Variants in NHSL2 observed in about 807,000 individuals in gnomAD.
NHSL2 encodes NHS-like protein 2.
Under a neutral mutation model 53.4 loss-of-function variants are expected in NHSL2, and 27 were observed. That is an observed-to-expected ratio of 0.51 (90% CI 0.37 to 0.70). The LOEUF (loss-of-function observed/expected upper bound fraction) is 0.70, where lower values mean the gene tolerates loss of function less well. NHSL2 is among the 30% of genes least tolerant of loss of function. NHSL2 has a pLI of 0.00. For missense variants in NHSL2, 892 were observed against 980.1 expected, an observed-to-expected ratio of 0.91 and a Z score of 1.20; for synonymous variants, 408 against 404.1, an observed-to-expected ratio of 1.01 and a Z score of -0.12.
intron 1 of NHSL2, among the ~76,000 whole-genome samples, chrX:72,041,061 A>G: frequency 8.9e-6 from 1 of 112,493 alleles, no homozygotes; most frequent in East Asian, 2.8e-4. Flanking sequence ...TGCATGAGTT[A>G]AGGGAGGCTT....
At chrX:72,082,187 G>T (rs1250588257) in intron 1 of NHSL2, among the ~76,000 whole-genome samples, 2 of 112,032 alleles carry the variant, frequency 1.8e-5, no homozygotes. Context: ...GGGCCTGGAG[G>T]TATGGGCTTG....
Position 72,139,355 on chromosome X carries a change from C to G in NHSL2, c.1807C>G (p.Leu603Val). The G allele has an allele frequency of 8.3e-7, 1 of 1,210,210 alleles. No homozygotes were observed. The highest frequency in any genetic ancestry group is 1.8e-5 in the South Asian group (1 of 56,802). Residue 603 changes from leucine (L) to valine (V), a missense_variant, in exon 6 of 8, where the codon CTC becomes GTC. By Grantham distance (32) the Leu-to-Val change is conservative. Transcript: ENST00000633930. ...GGACCAGAGGCCCAAGAGCCTTTGC[C>G]TCTCCTTGGAACATCAAGGACATCA... Reference protein sequence around the residue: ...PKDQRPKSLCLSLEHQGHHSS... With the variant: ...PKDQRPKSLCVSLEHQGHHSS...
chrX:71,988,643 AC>A (rs1311429903), intron 1 of NHSL2, among the ~76,000 whole-genome samples: 3 of 110,897 alleles, frequency 2.7e-5, no homozygotes, highest in Non-Finnish European at 5.7e-5. Flanking sequence ...CACCCCACTT[AC>A]CCAAAGTCGG....
intron 1 of NHSL2, among the ~76,000 whole-genome samples, chrX:71,912,204 G>A (rs935177900): frequency 4.4e-5 from 5 of 112,626 alleles, no homozygotes; most frequent in African/African-American, 1.6e-4. Context: ...GGGGCTACGC[G>A]AGCCCTTGTC....
At chrX:71,946,664 G>A (rs767881383) in intron 1 of NHSL2, among the ~76,000 whole-genome samples, 2 of 112,083 alleles carry the variant, frequency 1.8e-5, no homozygotes, top group South Asian at 7.5e-4. Flanking sequence ...TAGTCAGATA[G>A]TCTTTACAAC....
intron 6 of NHSL2, among the ~76,000 whole-genome samples, chrX:72,141,996 A>T (rs2147531012): frequency 8.9e-6 from 1 of 111,818 alleles, no homozygotes; most frequent in South Asian, 3.8e-4. Context: ...ACCTGTTATA[A>T]TGACAAAGAC....
At chrX:71,972,866 TTGTGTGTGTGTGTG>T (rs372160139) in intron 1 of NHSL2, among the ~76,000 whole-genome samples, 1 of 93,799 alleles carries the variant, frequency 1.1e-5, no homozygotes, top group African/African-American at 3.9e-5. Context: ...ATCTTTATTG[TTGTGTGTGTGTGTG>T]TGTGTGTGTG....
chrX:71,950,187 C>T (rs989872172), intron 1 of NHSL2, among the ~76,000 whole-genome samples: 1 of 113,027 alleles, frequency 8.8e-6, no homozygotes, highest in Non-Finnish European at 1.9e-5. Flanking sequence ...TAAGTTTGTC[C>T]AGCCAGGGGC....
intron 1 of NHSL2, among the ~76,000 whole-genome samples, chrX:72,100,572 G>T (rs1016793403): frequency 8.9e-6 from 1 of 112,165 alleles, no homozygotes; most frequent in African/African-American, 3.3e-5. Context: ...GAGGTGAGTG[G>T]CAGGCGGGCG....
chrX:72,071,990 C>A (rs2041704913), intron 1 of NHSL2, among the ~76,000 whole-genome samples: 1 of 112,322 alleles, frequency 8.9e-6, no homozygotes, highest in Non-Finnish European at 1.9e-5. Context: ...CTGCTTCCAC[C>A]TCTGACCTTC....
At chrX:71,987,258 G>A (rs1053478047) in intron 1 of NHSL2, among the ~76,000 whole-genome samples, 8 of 112,079 alleles carry the variant, frequency 7.1e-5, no homozygotes, top group East Asian at 2.8e-4. Flanking sequence ...TCTCAAATAC[G>A]TGTTACACGG....
At chrX:71,990,577 C>T (rs888266463) in intron 1 of NHSL2, among the ~76,000 whole-genome samples, 1 of 111,136 alleles carries the variant, frequency 9.0e-6, no homozygotes, top group African/African-American at 3.3e-5. Context: ...TGTTGATTTG[C>T]AGGGTCTTAC....
chrX:72,094,140 T>C (rs773994591), intron 1 of NHSL2, among the ~76,000 whole-genome samples: 1 of 111,612 alleles, frequency 9.0e-6, no homozygotes, highest in East Asian at 2.8e-4. Context: ...ATAGTTACTT[T>C]AAATAAGTAC....
At chrX:72,047,359 A>C (rs866569671) in intron 1 of NHSL2, among the ~76,000 whole-genome samples, 1 of 112,293 alleles carries the variant, frequency 8.9e-6, no homozygotes, top group African/African-American at 3.2e-5. Flanking sequence ...TTTGCTCAGT[A>C]AACTGTTCCA....
chrX:71,935,311 A>G (rs1165574859), intron 1 of NHSL2, among the ~76,000 whole-genome samples: 1 of 112,501 alleles, frequency 8.9e-6, no homozygotes, highest in Non-Finnish European at 1.9e-5. Context: ...GTCAGCAGCA[A>G]TGAGTGACCT....
At chrX:72,086,683 CAAAAAAAAAAAA>C (rs34481140) in intron 1 of NHSL2, among the ~76,000 whole-genome samples, 23 of 22,501 alleles carry the variant, frequency 1.0e-3, no homozygotes, top group African/African-American at 3.8e-3. Context: ...AACTCCATCT[CAAAAAAAAAAAA>C]AAAAAAAAAA....
At chrX:72,070,582 C>T (rs2042462077) in intron 1 of NHSL2, among the ~76,000 whole-genome samples, 1 of 111,586 alleles carries the variant, frequency 9.0e-6, no homozygotes, top group Admixed American at 9.5e-5. Context: ...TCCACCAACT[C>T]TTACCCTCCT....
chrX:72,020,183 C>T (rs751331300), intron 1 of NHSL2, among the ~76,000 whole-genome samples: 32 of 112,746 alleles, frequency 2.8e-4, no homozygotes, highest in Non-Finnish European at 4.7e-4. Flanking sequence ...TAAAAACTCT[C>T]CGTAATTTCA....
At chrX:71,954,486 A>G (rs2041834184) in intron 1 of NHSL2, among the ~76,000 whole-genome samples, 1 of 112,410 alleles carries the variant, frequency 8.9e-6, no homozygotes, top group South Asian at 3.7e-4. Context: ...GCCTGCAACA[A>G]CAATGAGCTC....
Sources: gnomAD v4.1 joint callset for allele counts (sites outside exome capture counted in the v4.1 genomes callset) on GRCh38, gnomAD v4.1.1 for gene constraint, MANE v1.5 for transcripts, NCBI Gene and HGNC (gene_info 2026-07-23, HGNC 2026-07-21) for gene names.